CELF4: variants seen among roughly 807,000 people sequenced by gnomAD.
CELF4 encodes CUG-BP- and ETR-3-like factor 4.
In CELF4, 18 loss-of-function variants were observed where a neutral mutation model predicts 59.9. The observed-to-expected ratio is 0.30, with a 90% CI of 0.21 to 0.45. The LOEUF is 0.45. CELF4 is among the 20% of genes least tolerant of loss of function. The pLI is 1.00. For missense variants in CELF4, 456 were observed against 689.0 expected (o/e 0.66, Z 3.79); for synonymous variants, 261 against 267.1 (o/e 0.98, Z 0.22).
chr18:37,438,398 C>T (rs2099700423), intron 2 of CELF4, among the ~76,000 whole-genome samples: 1 of 152,160 alleles, frequency 6.6e-6, no homozygotes, highest in South Asian at 2.1e-4. Context: ...GGATGTGATC[C>T]TGTGCCCAGG....
At chr18:37,399,251 T>G in intron 2 of CELF4, among the ~76,000 whole-genome samples, 1 of 152,174 alleles carries the variant, frequency 6.6e-6, no homozygotes, top group Non-Finnish European at 1.5e-5. Flanking sequence ...GGGTCTGTCA[T>G]GGTGAATGGA....
intron 2 of CELF4, among the ~76,000 whole-genome samples, chr18:37,330,443 T>G (rs1416482978): frequency 6.6e-6 from 1 of 152,196 alleles, no homozygotes; most frequent in Non-Finnish European, 1.5e-5. Context: ...TATTAATGCT[T>G]TAATTACCTC....
intron 2 of CELF4, among the ~76,000 whole-genome samples, chr18:37,479,544 T>G (rs911958378): frequency 6.6e-6 from 1 of 152,142 alleles, no homozygotes; most frequent in Non-Finnish European, 1.5e-5. Context: ...AAAGGACAGA[T>G]GAGTACTTCT....
intron 3 of CELF4, among the ~76,000 whole-genome samples, chr18:37,313,277 G>A (rs1001790110): frequency 6.6e-6 from 1 of 152,160 alleles, no homozygotes; most frequent in Admixed American, 6.5e-5. Context: ...TCAACGTGCT[G>A]TGGTCCCAGC....
chr18:37,565,782 T>C lies in CELF4; in HGVS notation c.-141A>G. The stretch of plus-strand genomic sequence containing the variant: ...GGTTTCTCTACACCTCGCTCTCCGC[T>C]CGCTCTCTGCTCTCTCTCTTTCTCC... On this transcript the variant is annotated 5_prime_UTR_variant, in exon 1 of 13. Coordinates refer to ENST00000420428, the MANE Select transcript of CELF4 (RefSeq NM_020180.4). 1.7e-6 allele frequency: 1 copy of C among 584,346 alleles called. No homozygotes were observed. Among genetic ancestry groups the C allele is most frequent in the East Asian group, 3.2e-5 (1 of 31,500 alleles). 36.2% of individuals were successfully genotyped at this position (584,346 alleles called of 1,614,324 possible).
chr18:37,312,545 T>G (rs2096714612), intron 3 of CELF4, among the ~76,000 whole-genome samples: 1 of 152,188 alleles, frequency 6.6e-6, no homozygotes, highest in Admixed American at 6.5e-5. Context: ...CTGGTTGGTG[T>G]TCAAGGGAAA....
At chr18:37,427,544 C>T (rs933624187) in intron 2 of CELF4, among the ~76,000 whole-genome samples, 2 of 152,160 alleles carry the variant, frequency 1.3e-5, no homozygotes, top group Admixed American at 6.5e-5. Flanking sequence ...ACCCTTACAG[C>T]CCTGGCCTGT....
chr18:37,350,799 A>T (rs558192989), intron 2 of CELF4, among the ~76,000 whole-genome samples: 14 of 152,334 alleles, frequency 9.2e-5, no homozygotes, highest in African/African-American at 2.9e-4. Flanking sequence ...AGACCCCAGG[A>T]TTCTGGGATC....
chr18:37,302,119 C>T (rs989311538), intron 3 of CELF4, among the ~76,000 whole-genome samples: 6 of 152,136 alleles, frequency 3.9e-5, no homozygotes, highest in African/African-American at 1.2e-4. Context: ...GAATTTGGGC[C>T]GTATTAATAA....
At position 37,419,910 on chromosome 18, in the gene CELF4, C is replaced by T. The variant is rs115640675; in HGVS notation, c.369+65615G>A. 5.8e-3 allele frequency among the ~76,000 whole-genome samples: 881 copies of T among 152,318 alleles called. 6 individuals are homozygous for T. Among genetic ancestry groups the T allele is most frequent in the African/African-American group, 0.02 (844 of 41,576 alleles). On this transcript the variant is annotated intron_variant, in intron 2 of 12. Transcript: ENST00000420428. ...GGAAGAATCTAGCCCTGTGGTGGCCCGAGGTCGGCGGGAAGGGTGTCCTCT... is the reference window on the plus strand; with the variant it reads ...GGAAGAATCTAGCCCTGTGGTGGCCTGAGGTCGGCGGGAAGGGTGTCCTCT...
chr18:37,467,527 G>T (rs752051999), intron 2 of CELF4, among the ~76,000 whole-genome samples: 1 of 152,128 alleles, frequency 6.6e-6, no homozygotes, highest in Non-Finnish European at 1.5e-5. Context: ...GGCTGAGGAT[G>T]AGGTGGCACA....
rs573267265 is a variant in CELF4 at position 37,433,626 on chromosome 18, G to A, written c.369+51899C>T. Among the ~76,000 whole-genome samples, 3 of 152,300 alleles carry A rather than the reference G, an allele frequency of 2.0e-5. No individual in the cohort carries two copies. The East Asian group carries it at 5.8e-4, about 29-fold the overall frequency. Reference sequence around the variant, plus strand: ...TCGGGGCCACGATTGTCCTTGTCTTGGAGCATCTTGTCACTGGCCAAGCAT... The same window carrying A: ...TCGGGGCCACGATTGTCCTTGTCTTAGAGCATCTTGTCACTGGCCAAGCAT... On this transcript the variant is annotated intron_variant, in intron 2 of 12. Coordinates refer to ENST00000420428, the MANE Select transcript of CELF4 (RefSeq NM_020180.4).
At chr18:37,533,049 C>A in intron 1 of CELF4, among the ~76,000 whole-genome samples, 1 of 152,260 alleles carries the variant, frequency 6.6e-6, no homozygotes, top group East Asian at 1.9e-4. Flanking sequence ...GTCTTCTGAG[C>A]TTACTGGCGT....
At chr18:37,512,001 A>G (rs2099944904) in intron 1 of CELF4, among the ~76,000 whole-genome samples, 1 of 152,142 alleles carries the variant, frequency 6.6e-6, no homozygotes, top group African/African-American at 2.4e-5. Flanking sequence ...AGAATTTAAA[A>G]AAAGAAAGAA....
chr18:37,290,962 T>C (rs1054040001), intron 3 of CELF4, among the ~76,000 whole-genome samples: 1 of 152,198 alleles, frequency 6.6e-6, no homozygotes, highest in Admixed American at 6.5e-5. Flanking sequence ...CCAGGCTGAA[T>C]ACAATGGCAT....
At chr18:37,469,534 C>T (rs58007421) in intron 2 of CELF4, among the ~76,000 whole-genome samples, 2,173 of 152,250 alleles carry the variant, frequency 0.014, 52 homozygotes, top group African/African-American at 0.048. Flanking sequence ...CACCTGCAGC[C>T]GGCCCAGGCA....
intron 2 of CELF4, among the ~76,000 whole-genome samples, chr18:37,453,654 G>C (rs919186676): frequency 3.3e-5 from 5 of 152,172 alleles, no homozygotes; most frequent in Non-Finnish European, 5.9e-5. Flanking sequence ...ACTCGGCACA[G>C]AGCATCGGGG....
chr18:37,524,646 C>G (rs1253317483), intron 1 of CELF4, among the ~76,000 whole-genome samples: 1 of 152,238 alleles, frequency 6.6e-6, no homozygotes, highest in Non-Finnish European at 1.5e-5. Flanking sequence ...ATTAGCCGAC[C>G]TCTGGCGCCG....
chr18:37,312,068 G>A (rs1334213168), intron 3 of CELF4, among the ~76,000 whole-genome samples: 19 of 128,536 alleles, frequency 1.5e-4, no homozygotes, highest in Non-Finnish European at 2.3e-4. Flanking sequence ...CCCATATCAC[G>A]CCACTGCACT....
Sources: allele counts gnomAD v4.1 joint callset (sites outside exome capture counted in the v4.1 genomes callset), GRCh38; gene constraint gnomAD v4.1.1; transcripts MANE v1.5; gene names NCBI Gene and HGNC (gene_info 2026-07-23, HGNC 2026-07-21).